Variants in PLXNA4 observed in about 807,000 individuals in gnomAD.
The protein encoded by PLXNA4 is plexin A4.
PLXNA4 carries 44 observed loss-of-function variants against 191.8 expected under a neutral mutation model. The ratio of observed to expected loss-of-function variants is 0.23; its 90% CI spans 0.18 to 0.29. The LOEUF is 0.29. PLXNA4 is among the 10% of genes least tolerant of loss of function. PLXNA4 has a pLI of 1.00. For synonymous variants in PLXNA4, 1,082 were observed against 1,009.5 expected (o/e 1.07, Z -1.36); for missense variants, 1,800 against 2,488.8 (o/e 0.72, Z 5.89).
intron 4 of PLXNA4, among the ~76,000 whole-genome samples, chr7:132,271,524 G>A (rs73157244): frequency 0.038 from 5,846 of 151,852 alleles, 175 homozygotes; most frequent in Middle Eastern, 0.066. Flanking sequence ...AAGCAACAAA[G>A]GAAATATTTC....
intron 11 of PLXNA4, 35 bp downstream of exon 11, chr7:132,203,288 C>T: frequency 2.5e-6 from 4 of 1,570,934 alleles, no homozygotes; most frequent in Non-Finnish European, 3.5e-6. Context: ...CATCCCTTCC[C>T]CTCCCTCCCC....
At chr7:132,195,188 T>A (rs952391453) in intron 13 of PLXNA4, among the ~76,000 whole-genome samples, 1 of 152,188 alleles carries the variant, frequency 6.6e-6, no homozygotes, top group Non-Finnish European at 1.5e-5. Context: ...TGTGTTTTTT[T>A]AAAATAAAAG....
At chr7:132,350,321 T>A (rs1433515163) in intron 3 of PLXNA4, among the ~76,000 whole-genome samples, 1 of 151,978 alleles carries the variant, frequency 6.6e-6, no homozygotes, top group East Asian at 1.9e-4. Context: ...CTGGCCAACA[T>A]GGTGAAACCC....
chr7:132,132,967 T>G (rs6467422), intron 31 of PLXNA4, 82 bp downstream of exon 31: 90,766 of 1,529,564 alleles, frequency 0.059, 5,477 homozygotes, highest in African/African-American at 0.31. Flanking sequence ...GTGGCGATGA[T>G]CTCTTATACG....
At chr7:132,229,692 G>A (rs1450904492) in intron 5 of PLXNA4, among the ~76,000 whole-genome samples, 2 of 152,138 alleles carry the variant, frequency 1.3e-5, no homozygotes, top group Admixed American at 6.5e-5. Flanking sequence ...CAGGCAAGGA[G>A]TTTATTAGGA....
At chr7:132,445,553 C>A (rs953229942) in intron 3 of PLXNA4, among the ~76,000 whole-genome samples, 6 of 151,996 alleles carry the variant, frequency 3.9e-5, no homozygotes, top group South Asian at 4.2e-4. Context: ...TGCATCTGAG[C>A]AAATCATGGT....
intron 3 of PLXNA4, chr7:132,485,106 T>A: frequency 6.5e-7 from 1 of 1,544,066 alleles, no homozygotes; most frequent in East Asian, 2.3e-5. Context: ...CCAATAAGAA[T>A]GGTTTTTGTA....
intron 2 of PLXNA4, among the ~76,000 whole-genome samples, chr7:132,594,051 T>C (rs1390773321): frequency 6.6e-6 from 1 of 152,256 alleles, no homozygotes; most frequent in Non-Finnish European, 1.5e-5. Flanking sequence ...TATGCCTCTC[T>C]ACTCACTGTT....
intron 14 of PLXNA4, among the ~76,000 whole-genome samples, chr7:132,190,564 G>A (rs1451590224): frequency 6.6e-6 from 1 of 152,208 alleles, no homozygotes; most frequent in Non-Finnish European, 1.5e-5. Flanking sequence ...CCCACCCCAG[G>A]AGACTCTCCT....
At chr7:132,590,540 G>T (rs1802588340) in intron 2 of PLXNA4, among the ~76,000 whole-genome samples, 1 of 152,188 alleles carries the variant, frequency 6.6e-6, no homozygotes, top group South Asian at 2.1e-4. Flanking sequence ...GAGTCCAAAA[G>T]CTGAAGAGCT....
At chr7:132,444,349 G>T (rs1417392168) in intron 3 of PLXNA4, among the ~76,000 whole-genome samples, 1 of 152,218 alleles carries the variant, frequency 6.6e-6, no homozygotes, top group Non-Finnish European at 1.5e-5. Context: ...CCTCCTCCTG[G>T]GTTCAAGCGA....
At chr7:132,355,587 G>C (rs1293835902) in intron 3 of PLXNA4, among the ~76,000 whole-genome samples, 1 of 152,144 alleles carries the variant, frequency 6.6e-6, no homozygotes, top group African/African-American at 2.4e-5. Context: ...CATGTGCCTG[G>C]CACTGCCCTA....
intron 2 of PLXNA4, among the ~76,000 whole-genome samples, chr7:132,644,678 T>C (rs763004384): frequency 3.3e-5 from 5 of 152,188 alleles, no homozygotes; most frequent in Non-Finnish European, 7.3e-5. Flanking sequence ...TCCTTCGTGA[T>C]ATATTTAAAG....
intron 3 of PLXNA4, among the ~76,000 whole-genome samples, chr7:132,481,007 T>A (rs1318177269): frequency 1.3e-5 from 2 of 152,058 alleles, no homozygotes; most frequent in African/African-American, 4.8e-5. Flanking sequence ...TCCACTTCCA[T>A]GCAAGCAAAG....
chr7:132,495,168 C>G (rs1797962613), intron 2 of PLXNA4, among the ~76,000 whole-genome samples: 1 of 152,206 alleles, frequency 6.6e-6, no homozygotes. Flanking sequence ...GGTGTGAGTC[C>G]TGATTGCACC....
At chr7:132,226,405 C>T (rs1798324935) in intron 7 of PLXNA4, 145 bp from the exon 8 acceptor site, 3 of 630,860 alleles carry the variant, frequency 4.8e-6, no homozygotes, top group Non-Finnish European at 8.3e-6. Context: ...GACCCAGTCC[C>T]AGGACAACCC....
At chr7:132,421,111 G>A (rs1199692736) in intron 3 of PLXNA4, among the ~76,000 whole-genome samples, 1 of 152,108 alleles carries the variant, frequency 6.6e-6, no homozygotes, top group Non-Finnish European at 1.5e-5. Context: ...CTGTCCCCCA[G>A]CTCTTGGCAA....
At chr7:132,478,844 C>G (rs1374356239) in intron 3 of PLXNA4, among the ~76,000 whole-genome samples, 1 of 152,136 alleles carries the variant, frequency 6.6e-6, no homozygotes. Flanking sequence ...CCCCAGAATA[C>G]TCATATCTTG....
chr7:132,578,357 G>T (rs561152762), upstream of PLXNA4, among the ~76,000 whole-genome samples: 106 of 152,286 alleles, frequency 7.0e-4, no homozygotes, highest in South Asian at 1.2e-3. Context: ...CTCTAAAGGA[G>T]CCCATGGCTC....
Sources: gnomAD v4.1 joint callset for allele counts (sites outside exome capture counted in the v4.1 genomes callset) on GRCh38, gnomAD v4.1.1 for gene constraint, MANE v1.5 for transcripts, NCBI Gene and HGNC (gene_info 2026-07-23, HGNC 2026-07-21) for gene names.